Variants in SHOC1 observed in about 807,000 individuals in gnomAD.
SHOC1 encodes the protein protein shortage in chiasmata 1 ortholog.
In SHOC1, 136 loss-of-function variants were observed where a neutral mutation model predicts 179.2. The ratio of observed to expected loss-of-function variants is 0.76; its 90% confidence interval spans 0.66 to 0.87. SHOC1 has a LOEUF of 0.87. SHOC1 is among the 40% of genes least tolerant of loss of function. SHOC1 has a pLI of 0.00. For synonymous variants in SHOC1, 489 were observed against 586.6 expected (o/e 0.83, Z 2.41); for missense variants, 1,538 against 1,700.8 (o/e 0.90, Z 1.68).
At chr9:111,711,215 G>C (rs1272476509) in intron 18 of SHOC1, among the ~76,000 whole-genome samples, 6 of 152,184 alleles carry the variant, frequency 3.9e-5, no homozygotes, top group Non-Finnish European at 7.3e-5. Context: ...AATGGTGATA[G>C]AGACAGGAGG....
Position 111,727,735 on chromosome 9 carries a change from GT to G in SHOC1, c.1731del (p.Lys577AsnfsTer9), listed in dbSNP as rs1321256439. ...CTCAAAAGGTCCAAATCATTCTCTT[GT>G]TTTTTGCCATGTTCAAAAGATGCTT... ...IKKASFEHGK[K>X]QENDLDLLSD... On this transcript the variant is annotated frameshift_variant, in exon 13 of 28. Coordinates refer to ENST00000682961, the MANE Select transcript of SHOC1 (RefSeq NM_001378211.1). LOFTEE classifies it high-confidence loss of function. 2 of 1,613,166 alleles carry G rather than the reference GT, an allele frequency of 1.2e-6. No individual in the cohort carries two copies. Among genetic ancestry groups the G allele is most frequent in the Non-Finnish European group, 1.7e-6 (2 of 1,179,636 alleles).
At chr9:111,791,483 C>A in intron 1 of SHOC1, 29 bp from the exon 2 acceptor site, 4 of 1,089,216 alleles carry the variant, frequency 3.7e-6, no homozygotes, top group South Asian at 2.1e-5. Context: ...AAATTAAACA[C>A]TGGTAAAATA....
chr9:111,735,695 T>C (rs1833784355), intron 12 of SHOC1, among the ~76,000 whole-genome samples: 1 of 152,322 alleles, frequency 6.6e-6, no homozygotes, highest in East Asian at 1.9e-4. Flanking sequence ...CCTTTGGGTA[T>C]ATACCCAGTA....
intron 13 of SHOC1, among the ~76,000 whole-genome samples, chr9:111,724,426 A>C (rs1833208346): frequency 6.6e-6 from 1 of 151,452 alleles, no homozygotes; most frequent in Non-Finnish European, 1.5e-5. Context: ...TGCAGCCTTG[A>C]CCTCTTGGGC....
intron 3 of SHOC1, among the ~76,000 whole-genome samples, chr9:111,785,662 C>T (rs985562327): frequency 3.3e-5 from 5 of 152,130 alleles, no homozygotes; most frequent in African/African-American, 9.7e-5. Context: ...CAATGTTAGA[C>T]TATTTTAAGT....
intron 19 of SHOC1, 55 bp from the exon 20 acceptor site, chr9:111,706,801 T>G: frequency 8.1e-7 from 1 of 1,227,812 alleles, no homozygotes; most frequent in Non-Finnish European, 1.1e-6. Flanking sequence ...ATTATTTTGT[T>G]GAACTATTAA....
At chr9:111,747,427 T>C (rs911856428) in intron 9 of SHOC1, among the ~76,000 whole-genome samples, 1 of 152,158 alleles carries the variant, frequency 6.6e-6, no homozygotes, top group Admixed American at 6.6e-5. Context: ...TTAAAAAAAA[T>C]GTGACAGTGG....
intron 7 of SHOC1, among the ~76,000 whole-genome samples, chr9:111,757,211 T>G (rs1407059299): frequency 6.6e-6 from 1 of 152,176 alleles, no homozygotes; most frequent in Non-Finnish European, 1.5e-5. Flanking sequence ...CACGCCATTC[T>G]CCTGCCTCAG....
chr9:111,744,886 G>A (rs997172645), intron 10 of SHOC1, among the ~76,000 whole-genome samples: 1 of 152,186 alleles, frequency 6.6e-6, no homozygotes, highest in Non-Finnish European at 1.5e-5. Context: ...AGCTATCTCA[G>A]ACTCTATCAA....
rs755547424 is a variant in SHOC1, at chr9:111,727,708, C to T, written c.1759G>A (p.Asp587Asn). The T allele has an allele frequency of 1.7e-5, 28 of 1,611,600 alleles. No homozygotes were observed. Among genetic ancestry groups the T allele is most frequent in the Admixed American group, 8.4e-5 (5 of 59,544 alleles). Residue 587 changes from aspartate to asparagine, a missense_variant, in exon 13 of 28, where the codon GAC (aspartate) becomes AAC (asparagine). Coordinates refer to ENST00000682961, the MANE Select transcript of SHOC1 (RefSeq NM_001378211.1). ...TATTTATTTCGCAGCATAATAAAGT[C>T]GCTCAAAAGGTCCAAATCATTCTCT... Reference protein sequence around the residue: ...KQENDLDLLSDFIMLRNKYKT... With the variant: ...KQENDLDLLSNFIMLRNKYKT...
In SHOC1 at chr9:111,781,209, TCA is replaced by T. The variant is rs938512798; in HGVS notation, c.170-194_170-193del. On this transcript the variant is annotated intron_variant, in intron 3 of 27. Coordinates refer to ENST00000682961, the MANE Select transcript of SHOC1 (RefSeq NM_001378211.1). ...TCATCAACCTACCCCCGCCCCTCAA[TCA>T]ACTACAGTTAGAACAATATCACCTG... 5 of 555,266 alleles carry T rather than the reference TCA, an allele frequency of 9.0e-6. No homozygotes were observed. In the African/African-American group the frequency reaches 9.6e-5, roughly 11 times the overall value. 34.4% of individuals were successfully genotyped at this position (555,266 alleles called of 1,614,324 possible).
At chr9:111,725,065 A>G (rs73543310) in intron 13 of SHOC1, among the ~76,000 whole-genome samples, 4,912 of 152,288 alleles carry the variant, frequency 0.032, 287 homozygotes, top group African/African-American at 0.11. Flanking sequence ...TCCATCAGTA[A>G]TATGATTACA....
chr9:111,757,770 C>CAGGAA (rs1283563670), intron 7 of SHOC1, among the ~76,000 whole-genome samples: 4 of 152,148 alleles, frequency 2.6e-5, no homozygotes, highest in East Asian at 1.9e-4. Context: ...ACTTAATTTC[C>CAGGAA]TATACCAGGT....
intron 8 of SHOC1, among the ~76,000 whole-genome samples, chr9:111,755,584 T>C (rs57328781): frequency 0.035 from 5,298 of 152,282 alleles, 325 homozygotes; most frequent in African/African-American, 0.12. Context: ...CTAAATGGGA[T>C]GAAACCATCT....
chr9:111,760,382 T>C lies in SHOC1; in HGVS notation c.443-1534A>G, dbSNP rs760703936. On this transcript the variant is annotated intron_variant, in intron 5 of 27. Transcript: ENST00000682961. ...TTCTTATTTTACTACAGCTAATACA[T>C]GTACTATACAGATATAAGGAGACTG... 1.8e-3 allele frequency among the ~76,000 whole-genome samples: 279 copies of C among 152,298 alleles called. 2 individuals carry two copies. Among genetic ancestry groups the C allele is most frequent in the Non-Finnish European group, 3.4e-3 (229 of 68,022 alleles).
rs75855216 is a variant in SHOC1 at position 111,763,540 on chromosome 9, T to C, written c.443-4692A>G. Among the ~76,000 whole-genome samples, 12 of 152,118 alleles carry C rather than the reference T, an allele frequency of 7.9e-5. No individual in the cohort carries two copies. In the East Asian group the frequency reaches 2.3e-3, roughly 29 times the overall value. Reference sequence around the variant, plus strand: ...TGCCTTTGAAATTCTGAGAAAAAAATATAATCTGGAATCTATAACTAGTCA... The same window carrying C: ...TGCCTTTGAAATTCTGAGAAAAAAACATAATCTGGAATCTATAACTAGTCA... On this transcript the variant is annotated intron_variant, in intron 5 of 27. Transcript: ENST00000682961.
chr9:111,714,370 T>C (rs1436530881), intron 17 of SHOC1, 75 bp downstream of exon 17: 4 of 1,507,550 alleles, frequency 2.7e-6, no homozygotes, highest in African/African-American at 1.4e-5. Context: ...ATTTTAAAGT[T>C]AAATGCAAAA....
In SHOC1 at chr9:111,691,598, CTT is replaced by C; in HGVS notation, c.4377_4378del (p.Arg1460AlafsTer3). ...TGAGTTAAATGAAGATTCATGGTGC[CTT>C]TTCTGTCCTAAACTTTTTCCAGCTC... On this transcript the variant is annotated frameshift_variant, in exon 27 of 28. Transcript: ENST00000682961. LOFTEE classifies it high-confidence loss of function. 1 of 1,613,718 alleles carries C rather than the reference CTT, an allele frequency of 6.2e-7. No homozygotes were observed. The highest frequency in any genetic ancestry group is 8.5e-7 in the Non-Finnish European group (1 of 1,179,850).
At position 111,724,577 on chromosome 9, in the gene SHOC1, C is replaced by G. The variant is rs942575877; in HGVS notation, c.1835-666G>C. 2.0e-5 allele frequency among the ~76,000 whole-genome samples: 3 copies of G among 151,950 alleles called. No individual in the cohort carries two copies. The East Asian group carries it at 5.8e-4, about 29-fold the overall frequency. ...GTCTCCCTGTGTTGTCCAGGCTGGT[C>G]TCAAACTCCTGGGCTCAAGGGATCT... On this transcript the variant is annotated intron_variant, in intron 13 of 27. Transcript: ENST00000682961.
Sources: allele counts gnomAD v4.1 joint callset (sites outside exome capture counted in the v4.1 genomes callset), GRCh38; gene constraint gnomAD v4.1.1; transcripts MANE v1.5; gene names NCBI Gene and HGNC (gene_info 2026-07-23, HGNC 2026-07-21).